TMOD3: variants seen among roughly 807,000 people sequenced by gnomAD.
TMOD3 encodes the protein tropomodulin-3.
In TMOD3, 20 loss-of-function variants were observed where a neutral mutation model predicts 39.2. The observed-to-expected ratio is 0.51, with a 90% CI of 0.36 to 0.74. TMOD3 has a LOEUF of 0.74. TMOD3 is among the 30% of genes least tolerant of loss of function. TMOD3 has a pLI of 0.00. For missense variants in TMOD3, 381 were observed against 412.8 expected, an observed-to-expected ratio of 0.92 and a Z score of 0.67; for synonymous variants, 143 against 145.8, an observed-to-expected ratio of 0.98 and a Z score of 0.14.
intron 1 of TMOD3, among the ~76,000 whole-genome samples, chr15:51,832,878 C>G (rs1005683850): frequency 6.6e-6 from 1 of 152,190 alleles, no homozygotes; most frequent in Non-Finnish European, 1.5e-5. Context: ...AGCTGGCAAA[C>G]TACTCTTCAC....
chr15:51,857,532 T>C (rs536198950), intron 1 of TMOD3, among the ~76,000 whole-genome samples: 1 of 152,222 alleles, frequency 6.6e-6, no homozygotes, highest in Non-Finnish European at 1.5e-5. Context: ...CCTTTGCCCC[T>C]AATATCTCAT....
Position 51,869,381 on chromosome 15 carries a change from C to T in TMOD3, c.283+8C>T. The T allele has an allele frequency of 6.2e-7, 1 of 1,608,762 alleles. No individual in the cohort carries two copies. The highest frequency in any genetic ancestry group is 2.2e-5 in the East Asian group (1 of 44,750). ...ACACTGGAGAAAAAAAAGGTAAGCCCCAGAATTTTAAAGTCATTATGTGGT... is the reference window on the plus strand; with the variant it reads ...ACACTGGAGAAAAAAAAGGTAAGCCTCAGAATTTTAAAGTCATTATGTGGT... On this transcript the variant is annotated splice_region_variant and intron_variant, in intron 3 of 9. Coordinates refer to ENST00000308580, the MANE Select transcript of TMOD3 (RefSeq NM_014547.5).
intron 1 of TMOD3, among the ~76,000 whole-genome samples, chr15:51,833,715 AGTATTCCATTGTATGAAT>A (rs1224120602): frequency 6.6e-6 from 1 of 152,238 alleles, no homozygotes; most frequent in Non-Finnish European, 1.5e-5. Flanking sequence ...GTTGTTGAAT[AGTATTCCATTGTATGAAT>A]GTACCCCAAT....
chr15:51,890,169 A>ATT (rs67190705), intron 5 of TMOD3, among the ~76,000 whole-genome samples: 7 of 140,418 alleles, frequency 5.0e-5, no homozygotes, highest in Admixed American at 7.3e-5. Flanking sequence ...CTATTAGCTA[A>ATT]TTTTTTTTTT....
At chr15:51,835,150 G>C (rs190942035) in intron 1 of TMOD3, 1 of 152,322 alleles carries the variant, frequency 6.6e-6, no homozygotes, top group East Asian at 1.9e-4. Context: ...TTATAAAATA[G>C]GCAGATGTTT....
intron 1 of TMOD3, among the ~76,000 whole-genome samples, chr15:51,858,842 A>G (rs1190177974): frequency 6.6e-6 from 1 of 152,084 alleles, no homozygotes; most frequent in Non-Finnish European, 1.5e-5. Flanking sequence ...CAGCATCTCA[A>G]CATTAAATCA....
chr15:51,845,392 T>G (rs878992264), intron 1 of TMOD3, among the ~76,000 whole-genome samples: 1 of 152,188 alleles, frequency 6.6e-6, no homozygotes, highest in Admixed American at 6.5e-5. Context: ...TCAGAACCCC[T>G]AAGTCCATAG....
At chr15:51,895,796 A>T (rs755046542) in intron 6 of TMOD3, among the ~76,000 whole-genome samples, 2 of 152,130 alleles carry the variant, frequency 1.3e-5, no homozygotes. Flanking sequence ...AAGTAAATCC[A>T]CTTTTATTTT....
intron 1 of TMOD3, among the ~76,000 whole-genome samples, chr15:51,845,627 C>T (rs2056331906): frequency 6.6e-6 from 1 of 152,014 alleles, no homozygotes; most frequent in Non-Finnish European, 1.5e-5. Context: ...ATGGTTGGCA[C>T]ACACTTGTTG....
At chr15:51,843,046 C>G (rs1048882301) in intron 1 of TMOD3, among the ~76,000 whole-genome samples, 6 of 152,026 alleles carry the variant, frequency 3.9e-5, no homozygotes, top group Non-Finnish European at 2.9e-5. Flanking sequence ...AGCTGGGGCA[C>G]CGTACTCATG....
At chr15:51,840,329 A>C (rs2056307164) in intron 1 of TMOD3, among the ~76,000 whole-genome samples, 1 of 152,208 alleles carries the variant, frequency 6.6e-6, no homozygotes, top group Admixed American at 6.5e-5. Context: ...ATAATATCTC[A>C]TTTACTTAAT....
At position 51,900,213 on chromosome 15, in the gene TMOD3, A is replaced by G. The variant is rs139877662; in HGVS notation, c.794A>G (p.Asn265Ser). 1.3e-5 allele frequency: 21 copies of G among 1,614,240 alleles called. No individual in the cohort carries two copies. The highest frequency in any genetic ancestry group is 1.7e-5 in the Admixed American group (1 of 60,028). ...KTLKSLNVES[N>S]FITGVGILAL... ...TTGAAGAGCTTAAATGTGGAGTCCA[A>G]CTTTATCACGGGAGTTGGGATTCTG... The change falls in exon 8 of 10, where the codon AAC (asparagine) becomes AGC (serine). Residue 265 changes from asparagine (N) to serine (S), a missense_variant. Coordinates refer to ENST00000308580, the MANE Select transcript of TMOD3 (RefSeq NM_014547.5).
At chr15:51,908,329 T>C (rs945414883) in intron 9 of TMOD3, among the ~76,000 whole-genome samples, 2 of 152,216 alleles carry the variant, frequency 1.3e-5, no homozygotes, top group African/African-American at 4.8e-5. Context: ...ATCCCAGCAC[T>C]TTGGGATGCT....
chr15:51,847,636 TAGAC>T (rs2056342323), intron 1 of TMOD3, among the ~76,000 whole-genome samples: 1 of 152,280 alleles, frequency 6.6e-6, no homozygotes, highest in South Asian at 2.1e-4. Flanking sequence ...AAAAAAGTCT[TAGAC>T]AGGCATGGTG....
In TMOD3 at chr15:51,902,013, C is replaced by G. The variant is rs764750054; in HGVS notation, c.1001C>G (p.Ala334Gly). ...QQGPRTRAAN[A>G]ITKNNDLVRK... ...GGACCACGAACCAGAGCAGCTAATG[C>G]TATAACAAAAAACAATGACTTAGGT... Residue 334 changes from alanine to glycine, a missense_variant, in exon 9 of 10, where the codon GCT becomes GGT. Ala to Gly is a moderately conservative substitution (Grantham distance 60, BLOSUM62 0). Coordinates refer to ENST00000308580, the MANE Select transcript of TMOD3 (RefSeq NM_014547.5). 1.0e-4 allele frequency: 168 copies of G among 1,613,550 alleles called. No individual in the cohort carries two copies. The highest frequency in any genetic ancestry group is 4.2e-6 in the Non-Finnish European group (5 of 1,179,920).
Position 51,900,149 on chromosome 15 carries a change from T to A in TMOD3, c.736-6T>A. The A allele has an allele frequency of 1.2e-6, 2 of 1,613,750 alleles. No individual in the cohort carries two copies. Among genetic ancestry groups the A allele is most frequent in the Non-Finnish European group, 1.7e-6 (2 of 1,179,882 alleles). On this transcript the variant is annotated splice_region_variant and splice_polypyrimidine_tract_variant and intron_variant, in intron 7 of 9. Transcript: ENST00000308580. ...TTAATCTCTTAATATTTTCTCTAAT[T>A]TCTAGGCTTTTGCAGAAATGCTGAA...
intron 6 of TMOD3, among the ~76,000 whole-genome samples, chr15:51,896,076 C>G (rs1426837094): frequency 6.6e-6 from 1 of 152,004 alleles, no homozygotes; most frequent in African/African-American, 2.4e-5. Context: ...CCGTTGCACT[C>G]CAACCTGGGC....
intron 3 of TMOD3, among the ~76,000 whole-genome samples, chr15:51,871,990 CT>C (rs1239068398): frequency 1.3e-5 from 2 of 151,882 alleles, no homozygotes; most frequent in Admixed American, 6.6e-5. Context: ...AAGATGATAG[CT>C]TTTTTTTAAT....
intron 3 of TMOD3, among the ~76,000 whole-genome samples, chr15:51,878,649 T>C (rs2056517740): frequency 6.6e-6 from 1 of 152,222 alleles, no homozygotes. Flanking sequence ...TAAGCATTTA[T>C]TGGTGACCAT....
Sources: gnomAD v4.1 joint callset for allele counts (sites outside exome capture counted in the v4.1 genomes callset) on GRCh38, gnomAD v4.1.1 for gene constraint, MANE v1.5 for transcripts, NCBI Gene and HGNC (gene_info 2026-07-23, HGNC 2026-07-21) for gene names.